Variants in TENM3 observed in about 807,000 individuals in gnomAD.
The protein encoded by TENM3 is teneurin transmembrane protein 3.
A neutral mutation model predicts 255.1 loss-of-function variants in TENM3; 63 were observed. The ratio of observed to expected loss-of-function variants is 0.25; its 90% CI spans 0.20 to 0.30. The LOEUF is 0.30. Among genes scored for constraint, TENM3 ranks in the 10% least tolerant of loss-of-function variants. The pLI is 1.00. For synonymous variants in TENM3, 1,306 were observed against 1,322.3 expected (o/e 0.99, Z 0.27); for missense variants, 2,929 against 3,461.1 (o/e 0.85, Z 3.86).
At chr4:181,954,367 G>A in the TENM3 span, among the ~76,000 whole-genome samples, 35 of 152,146 alleles carry the variant, frequency 2.3e-4, no homozygotes, top group Non-Finnish European at 4.7e-4. Flanking sequence ...CAAAGTGTTT[G>A]TATCACTTTG....
At chr4:181,874,950 T>G in the TENM3 span, among the ~76,000 whole-genome samples, 1 of 152,208 alleles carries the variant, frequency 6.6e-6, no homozygotes, top group South Asian at 2.1e-4. Flanking sequence ...GTTCATTGCC[T>G]CCATACAGTT....
chr4:181,863,238 T>A, the TENM3 span, among the ~76,000 whole-genome samples: 2 of 152,204 alleles, frequency 1.3e-5, no homozygotes, highest in South Asian at 2.1e-4. Context: ...TGTTTGTTCC[T>A]TTGTCTTTTT....
the TENM3 span, among the ~76,000 whole-genome samples, chr4:181,869,356 C>T: frequency 6.6e-6 from 1 of 152,016 alleles, no homozygotes; most frequent in Non-Finnish European, 1.5e-5. Flanking sequence ...TTATGTAAAT[C>T]ATGTATGCAA....
chr4:182,753,024 G>A (rs564174362), intron 20 of TENM3, among the ~76,000 whole-genome samples: 247 of 141,852 alleles, frequency 1.7e-3, no homozygotes, highest in African/African-American at 6.3e-3. Context: ...TCGGCTCACT[G>A]CAACCTCCGC....
chr4:181,974,161 T>C, the TENM3 span, among the ~76,000 whole-genome samples: 4 of 152,132 alleles, frequency 2.6e-5, no homozygotes, highest in Non-Finnish European at 4.4e-5. Flanking sequence ...GTCTCAGTCA[T>C]TGGCTGGGTA....
chr4:181,640,666 T>C, the TENM3 span, among the ~76,000 whole-genome samples: 2 of 152,196 alleles, frequency 1.3e-5, no homozygotes, highest in African/African-American at 2.4e-5. Flanking sequence ...CACTCAGCTC[T>C]GTGCACCTAA....
the TENM3 span, among the ~76,000 whole-genome samples, chr4:181,467,125 A>ATATT: frequency 5.7e-5 from 1 of 17,622 alleles, no homozygotes; most frequent in South Asian, 1.8e-3. Flanking sequence ...ATATATATAT[A>ATATT]TTTTTTTTTT....
At chr4:181,790,014 G>A in the TENM3 span, among the ~76,000 whole-genome samples, 4 of 152,302 alleles carry the variant, frequency 2.6e-5, no homozygotes, top group South Asian at 6.2e-4. Context: ...GTCATGGAGT[G>A]CAATTTACAG....
chr4:181,903,208 T>TAA, the TENM3 span, among the ~76,000 whole-genome samples: 22 of 150,078 alleles, frequency 1.5e-4, no homozygotes, highest in Middle Eastern at 6.8e-3. Context: ...ATTTCTGATT[T>TAA]AAAAAAAAAA....
At chr4:181,924,125 G>A in the TENM3 span, among the ~76,000 whole-genome samples, 2 of 152,114 alleles carry the variant, frequency 1.3e-5, no homozygotes, top group Non-Finnish European at 2.9e-5. Context: ...GTCTCTCTCT[G>A]GGACAAAGAG....
chr4:182,353,438 G>A (rs1156412731), intron 3 of TENM3, among the ~76,000 whole-genome samples: 1 of 152,128 alleles, frequency 6.6e-6, no homozygotes, highest in Non-Finnish European at 1.5e-5. Flanking sequence ...GTCAAAAATA[G>A]CAAACGTAAT....
At chr4:182,539,994 A>G (rs1580871965) in intron 3 of TENM3, among the ~76,000 whole-genome samples, 1 of 152,352 alleles carries the variant, frequency 6.6e-6, no homozygotes, top group East Asian at 1.9e-4. Context: ...CACAGACATA[A>G]TTTGACTTGA....
chr4:182,535,275 G>A (rs375893825), intron 3 of TENM3, among the ~76,000 whole-genome samples: 16 of 152,228 alleles, frequency 1.1e-4, no homozygotes, highest in African/African-American at 2.9e-4. Flanking sequence ...TGACCCTCAC[G>A]TACATATTTT....
At chr4:182,180,683 C>T (rs191454694) in intron 1 of TENM3, among the ~76,000 whole-genome samples, 6 of 150,252 alleles carry the variant, frequency 4.0e-5, no homozygotes, top group Admixed American at 2.0e-4. Context: ...ACTATGTTGC[C>T]CAGGCTGGTC....
the TENM3 span, among the ~76,000 whole-genome samples, chr4:181,787,052 G>A: frequency 6.6e-6 from 1 of 152,172 alleles, no homozygotes; most frequent in African/African-American, 2.4e-5. Context: ...AAAACCCTAA[G>A]CACCTCACTG....
chr4:182,392,215 G>A (rs1227275938), intron 3 of TENM3, among the ~76,000 whole-genome samples: 1 of 152,184 alleles, frequency 6.6e-6, no homozygotes, highest in African/African-American at 2.4e-5. Flanking sequence ...CTCCATTGCT[G>A]CAGCCACCTG....
chr4:182,291,906 C>T (rs1465613424), intron 1 of TENM3, among the ~76,000 whole-genome samples: 2 of 151,950 alleles, frequency 1.3e-5, no homozygotes, highest in East Asian at 3.9e-4. Flanking sequence ...AGGCAGACTC[C>T]AACCATGTTA....
At chr4:182,049,527 T>C in the TENM3 span, among the ~76,000 whole-genome samples, 1 of 152,210 alleles carries the variant, frequency 6.6e-6, no homozygotes, top group South Asian at 2.1e-4. Context: ...ACGTCACCCA[T>C]TAGCTTCAGC....
the TENM3 span, among the ~76,000 whole-genome samples, chr4:181,567,995 A>G: frequency 1.9e-3 from 294 of 152,242 alleles, 3 homozygotes; most frequent in East Asian, 0.012. Context: ...AGAAAAAAAA[A>G]TCATATATTA....
Sources: allele counts gnomAD v4.1 joint callset (sites outside exome capture counted in the v4.1 genomes callset), GRCh38; gene constraint gnomAD v4.1.1; transcripts MANE v1.5; gene names NCBI Gene and HGNC (gene_info 2026-07-23, HGNC 2026-07-21).